Variants in BANP observed in about 807,000 individuals in gnomAD.
The protein encoded by BANP is protein BANP.
A neutral mutation model predicts 68.1 loss-of-function variants in BANP; 11 were observed. The observed-to-expected ratio is 0.16, with a 90% CI of 0.10 to 0.27. BANP has a LOEUF of 0.27. Ranked by LOEUF, BANP falls within the 10% of genes least tolerant of loss-of-function variation. The pLI is 1.00. For missense variants in BANP, 504 were observed against 722.7 expected (o/e 0.70, Z 3.47); for synonymous variants, 329 against 303.2 (o/e 1.09, Z -0.88).
At chr16:87,953,054 C>A (rs886626204) in intron 1 of BANP, among the ~76,000 whole-genome samples, 3 of 152,108 alleles carry the variant, frequency 2.0e-5, no homozygotes, top group African/African-American at 7.2e-5. Context: ...CTCAACATCT[C>A]GGGTGCTTCA....
intron 12 of BANP, among the ~76,000 whole-genome samples, chr16:88,069,962 C>T (rs1299716274): frequency 6.6e-6 from 1 of 152,150 alleles, no homozygotes; most frequent in Non-Finnish European, 1.5e-5. Context: ...TCCTCCTCTT[C>T]CCCCCAGCCC....
chr16:88,028,314 G>C (rs1268150101), intron 8 of BANP, among the ~76,000 whole-genome samples: 2 of 152,234 alleles, frequency 1.3e-5, no homozygotes, highest in Non-Finnish European at 2.9e-5. Flanking sequence ...GAGGGCAGCC[G>C]TGGGCAGGGC....
At chr16:87,981,986 A>G (rs940583121) in intron 3 of BANP, among the ~76,000 whole-genome samples, 1 of 152,234 alleles carries the variant, frequency 6.6e-6, no homozygotes, top group African/African-American at 2.4e-5. Flanking sequence ...TAATTCTTCT[A>G]CTTACACAGG....
At chr16:88,055,244 T>C (rs530057379) in intron 11 of BANP, among the ~76,000 whole-genome samples, 2 of 152,308 alleles carry the variant, frequency 1.3e-5, no homozygotes, top group Admixed American at 1.3e-4. Flanking sequence ...TTTGTGTATG[T>C]TCTGGTAAAC....
intron 4 of BANP, among the ~76,000 whole-genome samples, chr16:88,001,594 T>C (rs1237776017): frequency 6.6e-6 from 1 of 152,262 alleles, no homozygotes; most frequent in Non-Finnish European, 1.5e-5. Flanking sequence ...GTGTAGTTTC[T>C]GGCATTTTTT....
intron 12 of BANP, among the ~76,000 whole-genome samples, chr16:88,065,990 G>A (rs569836118): frequency 6.6e-6 from 1 of 152,306 alleles, no homozygotes; most frequent in Admixed American, 6.5e-5. Flanking sequence ...GGGAGCACGG[G>A]AGAGGGTGTG....
chr16:87,984,606 G>A (rs1328705547), intron 4 of BANP, among the ~76,000 whole-genome samples: 1 of 152,192 alleles, frequency 6.6e-6, no homozygotes, highest in Non-Finnish European at 1.5e-5. Context: ...TTCTTCGTAT[G>A]TGGTGTTTAT....
At position 88,064,113 on chromosome 16, in the gene BANP, C is replaced by T. The variant is rs997030477; in HGVS notation, c.1312-1154C>T. Among the ~76,000 whole-genome samples, 4 of 150,668 alleles carry T rather than the reference C, an allele frequency of 2.7e-5. No individual in the cohort carries two copies. The highest frequency in any genetic ancestry group is 5.9e-5 in the Non-Finnish European group (4 of 67,860). On this transcript the variant is annotated intron_variant, in intron 11 of 13. Coordinates refer to ENST00000682872, the MANE Select transcript of BANP (RefSeq NM_001386991.1). The surrounding 1 kb of genome is among the most constrained non-coding windows in gnomAD (Gnocchi z 4.5). ...GGGGCCAACCACAAGCAGGCACCGG[C>T]GCTGGGGGACCAGGGTCAGGGGGCT...
intron 11 of BANP, among the ~76,000 whole-genome samples, chr16:88,043,263 G>GTA (rs2081247240): frequency 6.6e-6 from 1 of 152,216 alleles, no homozygotes. Flanking sequence ...CCAGGCATGG[G>GTA]TAGCTCCTTC....
rs1322132044 is a variant in BANP, at chr16:88,025,415, G to T, written c.896-2068G>T. 2.0e-5 allele frequency among the ~76,000 whole-genome samples: 3 copies of T among 152,204 alleles called. No individual in the cohort carries two copies. The East Asian group carries it at 5.8e-4, about 29-fold the overall frequency. The stretch of plus-strand genomic sequence containing the variant: ...CCGAGTCACCCAGCCAAGATTCGAG[G>T]GTGACTTGGAGTATTTTAGAGATGA... On this transcript the variant is annotated intron_variant, in intron 7 of 13. Coordinates refer to ENST00000682872, the MANE Select transcript of BANP (RefSeq NM_001386991.1).
chr16:87,964,788 G>T (rs997565468), intron 1 of BANP, among the ~76,000 whole-genome samples: 3 of 152,248 alleles, frequency 2.0e-5, no homozygotes, highest in Non-Finnish European at 2.9e-5. Flanking sequence ...GGATCAGGGT[G>T]AAGGAGAGGA....
intron 7 of BANP, among the ~76,000 whole-genome samples, chr16:88,022,851 A>G (rs1315663060): frequency 1.3e-5 from 2 of 152,162 alleles, no homozygotes; most frequent in Non-Finnish European, 2.9e-5. Context: ...TTATGAGGAC[A>G]GTCACTGGAT....
rs1469629369 is a variant in BANP at position 87,989,671 on chromosome 16, C to T, written c.362+5412C>T. On this transcript the variant is annotated intron_variant, in intron 4 of 13. Coordinates refer to ENST00000682872, the MANE Select transcript of BANP (RefSeq NM_001386991.1). The stretch of plus-strand genomic sequence containing the variant: ...GCGGGTGATGGGGGATGCAGGCCCG[C>T]GTGGCTGCGCATATCCAGGACACAG... 2.2e-5 allele frequency among the ~76,000 whole-genome samples: 2 copies of T among 89,776 alleles called. 1 individual carries two copies. Among genetic ancestry groups the T allele is most frequent in the Non-Finnish European group, 4.4e-5 (2 of 45,144 alleles). The allele number at this position is 89,776 out of a possible 152,430, so 58.9% of individuals were successfully genotyped here. A position where few individuals can be genotyped will look rare whatever the true frequency, so the allele number is the denominator to read the frequency against.
rs531842045 is a variant in BANP at position 87,971,742 on chromosome 16, T to C, written c.-68-3306T>C. On this transcript the variant is annotated intron_variant, in intron 1 of 13. Transcript: ENST00000682872. ...GTAGTTTCAAGCACCCTCCGTCCTG[T>C]TTTCTGGAGAGCTTTCTTGAATTAC... Among the ~76,000 whole-genome samples, 4 of 152,228 alleles carry C rather than the reference T, an allele frequency of 2.6e-5. No homozygotes were observed. In the South Asian group the frequency reaches 8.3e-4, roughly 32 times the overall value.
At chr16:88,046,104 G>A (rs1158727347) in intron 11 of BANP, among the ~76,000 whole-genome samples, 1 of 152,260 alleles carries the variant, frequency 6.6e-6, no homozygotes, top group Admixed American at 6.5e-5. Flanking sequence ...GCTGTGGTCT[G>A]CAGACAGAAG....
chr16:88,018,277 G>A lies in BANP; in HGVS notation c.656-151G>A, dbSNP rs1421128782. 7 of 980,054 alleles carry A rather than the reference G, an allele frequency of 7.1e-6. No individual in the cohort carries two copies. The highest frequency in any genetic ancestry group is 4.9e-5 in the African/African-American group (3 of 61,810). The allele number at this position is 980,054 out of a possible 1,614,324, so 60.7% of individuals were successfully genotyped here. On this transcript the variant is annotated intron_variant, in intron 6 of 13. Coordinates refer to ENST00000682872, the MANE Select transcript of BANP (RefSeq NM_001386991.1). This position sits in a 1 kb window ranked among gnomAD's most constrained non-coding sequence, Gnocchi z 7.7. ...TTGGGCAGCAGTCGGAGGCTCCAGCGCTCTTGGTGACTGCCTCACAAGTTA... is the reference window on the plus strand; with the variant it reads ...TTGGGCAGCAGTCGGAGGCTCCAGCACTCTTGGTGACTGCCTCACAAGTTA...
At chr16:88,053,916 T>C (rs1350369260) in intron 11 of BANP, among the ~76,000 whole-genome samples, 1 of 66,516 alleles carries the variant, frequency 1.5e-5, no homozygotes, top group Non-Finnish European at 4.3e-5. Flanking sequence ...CCACCACCTC[T>C]ACCACTGTCA....
intron 13 of BANP, among the ~76,000 whole-genome samples, chr16:88,075,012 T>C (rs984859962): frequency 2.6e-5 from 4 of 152,162 alleles, no homozygotes; most frequent in African/African-American, 9.6e-5. Flanking sequence ...AAGACCAGCC[T>C]GGGCAACGTA....
intron 7 of BANP, among the ~76,000 whole-genome samples, chr16:88,023,544 G>C (rs6540155): frequency 0.97 from 147,336 of 151,524 alleles, 71,756 homozygotes; most frequent in East Asian, 1. Flanking sequence ...CGGTTTTGTG[G>C]TGCCTTCCCT....
Sources: allele counts gnomAD v4.1 joint callset (sites outside exome capture counted in the v4.1 genomes callset), GRCh38; gene constraint gnomAD v4.1.1; non-coding constraint Gnocchi (gnomAD v3.1); transcripts MANE v1.5; gene names NCBI Gene and HGNC (gene_info 2026-07-23, HGNC 2026-07-21).